The following CDK14 variants were observed in gnomAD, a reference collection of about 807,000 sequenced individuals.
CDK14 encodes the protein cyclin dependent kinase 14, also known as cyclin-dependent kinase 14.
CDK14 carries 34 observed loss-of-function variants against 60.7 expected under a neutral mutation model. That is an observed-to-expected ratio of 0.56 (90% CI 0.43 to 0.75). CDK14 has a LOEUF of 0.75. CDK14 is among the 30% of genes least tolerant of loss of function. CDK14 has a pLI of 0.00. For missense variants in CDK14, 482 were observed against 564.1 expected, an observed-to-expected ratio of 0.85 and a Z score of 1.47; for synonymous variants, 197 against 203.7, an observed-to-expected ratio of 0.97 and a Z score of 0.28.
At chr7:90,782,466 T>A (rs114025990) in intron 4 of CDK14, among the ~76,000 whole-genome samples, 1,956 of 152,280 alleles carry the variant, frequency 0.013, 59 homozygotes, top group African/African-American at 0.045. Context: ...ATACTTTATA[T>A]CTTTAAATTG....
At chr7:91,051,020 C>T (rs1204734720) in intron 11 of CDK14, among the ~76,000 whole-genome samples, 2 of 152,132 alleles carry the variant, frequency 1.3e-5, no homozygotes, top group Non-Finnish European at 2.9e-5. Flanking sequence ...TTCTAAAGAA[C>T]AGTTTACTGG....
intron 12 of CDK14, among the ~76,000 whole-genome samples, chr7:91,103,667 A>G (rs1467072710): frequency 6.6e-6 from 1 of 152,190 alleles, no homozygotes; most frequent in African/African-American, 2.4e-5. Flanking sequence ...GACAACTCTT[A>G]AAGACAATCT....
Position 91,195,130 on chromosome 7 carries a change from C to T in CDK14, c.*29-12035C>T, listed in dbSNP as rs904060094. On this transcript the variant is annotated intron_variant, in intron 14 of 14. Coordinates refer to ENST00000380050, the MANE Select transcript of CDK14 (RefSeq NM_001287135.2). Reference sequence around the variant, plus strand: ...ATTGTGTTGATGTGAATGTCTTATTCATCAAACATTACAGCCTTCACATTT... The same window carrying T: ...ATTGTGTTGATGTGAATGTCTTATTTATCAAACATTACAGCCTTCACATTT... Among the ~76,000 whole-genome samples, 14 of 152,324 alleles carry T rather than the reference C, an allele frequency of 9.2e-5. No homozygotes were observed. The Middle Eastern group carries it at 0.01, about 111-fold the overall frequency.
intron 4 of CDK14, among the ~76,000 whole-genome samples, chr7:90,783,969 C>T (rs1805458018): frequency 6.6e-6 from 1 of 152,176 alleles, no homozygotes; most frequent in Non-Finnish European, 1.5e-5. Context: ...GAGATACCTG[C>T]ACCCCCATGT....
chr7:91,090,681 AAT>A (rs1455332071), intron 12 of CDK14, among the ~76,000 whole-genome samples: 1 of 152,164 alleles, frequency 6.6e-6, no homozygotes, highest in African/African-American at 2.4e-5. Context: ...TATAGGCTTA[AAT>A]CCAAATCCTA....
Position 90,596,442 on chromosome 7 carries a change from C to T in CDK14, c.-186C>T, listed in dbSNP as rs1799186828. On this transcript the variant is annotated 5_prime_UTR_variant, in exon 1 of 15. Coordinates refer to ENST00000380050, the MANE Select transcript of CDK14 (RefSeq NM_001287135.2). The stretch of plus-strand genomic sequence containing the variant: ...CCGCCCGCCCAGCTGCGGCCCAGGC[C>T]GGAGCGGAGCCTGCCGTCCTCCGCC... 3 of 475,526 alleles carry T rather than the reference C, an allele frequency of 6.3e-6. No homozygotes were observed. The highest frequency in any genetic ancestry group is 1.1e-5 in the Non-Finnish European group (3 of 268,604). 29.5% of individuals were successfully genotyped at this position (475,526 alleles called of 1,614,324 possible).
chr7:90,920,924 A>C (rs1440482503), intron 8 of CDK14, among the ~76,000 whole-genome samples: 2 of 150,258 alleles, frequency 1.3e-5, no homozygotes, highest in African/African-American at 4.9e-5. Flanking sequence ...CCAGGTAGTC[A>C]AAATGCTGTA....
At chr7:90,917,847 C>G (rs941052075) in intron 8 of CDK14, 123 bp downstream of exon 8, 1 of 944,928 alleles carries the variant, frequency 1.1e-6, no homozygotes, top group Non-Finnish European at 1.5e-6. Context: ...TTTTTTTTTT[C>G]TGAAATGAAG....
intron 11 of CDK14, among the ~76,000 whole-genome samples, chr7:91,047,685 C>T (rs866610172): frequency 1.3e-5 from 2 of 152,262 alleles, no homozygotes; most frequent in Middle Eastern, 6.8e-3. Flanking sequence ...AGAAAAGTAA[C>T]ATATGAAGAT....
chr7:90,919,898 G>T (rs966196889), intron 8 of CDK14, among the ~76,000 whole-genome samples: 1 of 152,182 alleles, frequency 6.6e-6, no homozygotes, highest in Admixed American at 6.5e-5. Context: ...AAAGCATTTG[G>T]TTCTTATGAC....
chr7:90,818,801 T>A (rs1789441405), intron 5 of CDK14, among the ~76,000 whole-genome samples: 1 of 152,128 alleles, frequency 6.6e-6, no homozygotes, highest in East Asian at 1.9e-4. Flanking sequence ...ATTAATCTGA[T>A]ATGTTTTCAG....
chr7:90,869,562 C>T (rs979844971), intron 6 of CDK14, among the ~76,000 whole-genome samples: 3 of 152,164 alleles, frequency 2.0e-5, no homozygotes, highest in Admixed American at 6.5e-5. Flanking sequence ...TGATCTGACT[C>T]ATATTTTATT....
intron 4 of CDK14, among the ~76,000 whole-genome samples, chr7:90,757,314 T>G (rs912838250): frequency 6.6e-6 from 1 of 150,846 alleles, no homozygotes; most frequent in African/African-American, 2.4e-5. Flanking sequence ...TTGATTAAGG[T>G]CCACCCTAAT....
intron 2 of CDK14, among the ~76,000 whole-genome samples, chr7:90,686,128 G>A (rs1244260026): frequency 6.6e-6 from 1 of 152,100 alleles, no homozygotes; most frequent in African/African-American, 2.4e-5. Context: ...AGAATAATGA[G>A]ATGATCTTTT....
At chr7:91,119,457 CTGAG>C (rs1359869744) in intron 14 of CDK14, among the ~76,000 whole-genome samples, 1 of 152,084 alleles carries the variant, frequency 6.6e-6, no homozygotes, top group African/African-American at 2.4e-5. Flanking sequence ...GCACTCCAGC[CTGAG>C]TGACAGAGCC....
intron 5 of CDK14, among the ~76,000 whole-genome samples, chr7:90,816,402 A>G (rs1789360436): frequency 6.6e-6 from 1 of 152,164 alleles, no homozygotes; most frequent in Admixed American, 6.5e-5. Flanking sequence ...TTCTACTAAA[A>G]AGATAATCTG....
chr7:90,701,083 T>C (rs1465354831), intron 2 of CDK14, among the ~76,000 whole-genome samples: 2 of 152,230 alleles, frequency 1.3e-5, no homozygotes, highest in Admixed American at 6.5e-5. Flanking sequence ...CCCCTCGATA[T>C]TACTTGTTTA....
intron 4 of CDK14, among the ~76,000 whole-genome samples, chr7:90,788,437 G>A (rs958275490): frequency 5.3e-5 from 8 of 152,090 alleles, no homozygotes; most frequent in African/African-American, 1.9e-4. Flanking sequence ...AGCACAAACA[G>A]GATTAGAAAA....
chr7:90,762,324 T>A (rs1313990929), intron 4 of CDK14, among the ~76,000 whole-genome samples: 1 of 152,146 alleles, frequency 6.6e-6, no homozygotes, highest in Non-Finnish European at 1.5e-5. Context: ...GATCTGCTGG[T>A]GGGTCACATC....
Sources: allele counts gnomAD v4.1 joint callset (sites outside exome capture counted in the v4.1 genomes callset), GRCh38; gene constraint gnomAD v4.1.1; transcripts MANE v1.5; gene names NCBI Gene and HGNC (gene_info 2026-07-23, HGNC 2026-07-21).